PARP9: variants seen among roughly 807,000 people sequenced by gnomAD.
PARP9 encodes poly(ADP-ribose) polymerase family member 9.
Under a neutral mutation model 68.8 loss-of-function variants are expected in PARP9, and 48 were observed. That is an observed-to-expected ratio of 0.70 (90% CI 0.55 to 0.89). The LOEUF (loss-of-function observed/expected upper bound fraction) is 0.89. Ranked by LOEUF, PARP9 falls within the 40% of genes least tolerant of loss-of-function variation. The pLI is 0.00. For missense variants in PARP9, 806 were observed against 969.3 expected, an observed-to-expected ratio of 0.83 and a Z score of 2.24; for synonymous variants, 309 against 333.8, an observed-to-expected ratio of 0.93 and a Z score of 0.81.
intron 7 of PARP9, 21 bp from the exon 8 acceptor site, chr3:122,540,873 A>G (rs2078153056): frequency 4.4e-6 from 7 of 1,579,870 alleles, no homozygotes; most frequent in Non-Finnish European, 6.0e-6. Context: ...TATAATAAGC[A>G]ACCATGGAAG....
chr3:122,556,004 C>A lies in PARP9; in HGVS notation c.167G>T (p.Cys56Phe). The A allele has an allele frequency of 6.2e-7, 1 of 1,613,994 alleles. No homozygotes were observed. Among genetic ancestry groups the A allele is most frequent in the Non-Finnish European group, 8.5e-7 (1 of 1,179,988 alleles). ...LCEVLQNKFG[C>F]ISTLVSPVQE... ...AACTGGAGAGACCAGGGTAGAGATA[C>A]AGCCAAACTTATTCTGGAGGACTTC... The change falls in exon 4 of 11, where the codon TGT (cysteine) becomes TTT (phenylalanine). Residue 56 changes from cysteine (C) to phenylalanine (F), a missense_variant. By Grantham distance (205) the Cys-to-Phe change is radical. Transcript: ENST00000682323.
At chr3:122,561,659 C>T (rs142655823) in intron 1 of PARP9, among the ~76,000 whole-genome samples, 30 of 152,286 alleles carry the variant, frequency 2.0e-4, no homozygotes, top group African/African-American at 5.5e-4. Flanking sequence ...CTTTTCCCTG[C>T]GTTCACTTCC....
chr3:122,538,658 CCACACACACACACA>C (rs10577699), intron 8 of PARP9, among the ~76,000 whole-genome samples: 6 of 144,942 alleles, frequency 4.1e-5, no homozygotes, highest in African/African-American at 1.0e-4. Context: ...TAAAGCAATG[CCACACACACACACA>C]CACACACACA....
At chr3:122,536,452 C>T in intron 9 of PARP9, 110 bp from the exon 10 acceptor site, 1 of 1,471,146 alleles carries the variant, frequency 6.8e-7, no homozygotes, top group East Asian at 2.3e-5. Context: ...TACTACTTTG[C>T]ATGCAATTCG....
At chr3:122,562,806 T>C (rs892081275) in intron 1 of PARP9, among the ~76,000 whole-genome samples, 2 of 152,214 alleles carry the variant, frequency 1.3e-5, no homozygotes, top group African/African-American at 4.8e-5. Flanking sequence ...TTCCATTGTA[T>C]AGATATACTA....
At chr3:122,548,469 A>C (rs943037955) in intron 6 of PARP9, among the ~76,000 whole-genome samples, 2 of 152,206 alleles carry the variant, frequency 1.3e-5, no homozygotes, top group Non-Finnish European at 1.5e-5. Flanking sequence ...TATATCTTGA[A>C]AACCTATTTT....
At chr3:122,534,385 A>C in intron 10 of PARP9, 2 of 985,488 alleles carry the variant, frequency 2.0e-6, no homozygotes, top group Non-Finnish European at 2.4e-6. Flanking sequence ...CAGAGTGCAA[A>C]ATAAAGGTTT....
chr3:122,539,345 G>A (rs2077907974), intron 8 of PARP9, among the ~76,000 whole-genome samples: 1 of 152,100 alleles, frequency 6.6e-6, no homozygotes, highest in Admixed American at 6.5e-5. Flanking sequence ...ACTAATCTGT[G>A]TGCTCGTCAA....
intron 5 of PARP9, 21 bp from the exon 6 acceptor site, chr3:122,550,823 A>G: frequency 1.9e-6 from 3 of 1,594,158 alleles, no homozygotes; most frequent in Non-Finnish European, 1.7e-6. Flanking sequence ...ACACAAATTT[A>G]AGATCAGCAT....
intron 7 of PARP9, 136 bp downstream of exon 7, chr3:122,545,296 G>A (rs556897933): frequency 2.7e-5 from 22 of 806,550 alleles, no homozygotes; most frequent in Admixed American, 1.2e-4. Context: ...GAGTAGGCAG[G>A]TATCCAAGCA....
intron 4 of PARP9, among the ~76,000 whole-genome samples, chr3:122,553,465 T>C (rs1376161954): frequency 1.3e-5 from 2 of 152,234 alleles, no homozygotes; most frequent in African/African-American, 4.8e-5. Context: ...GAATTTGCAA[T>C]TTGGGGGCAC....
chr3:122,556,010 A>G lies in PARP9; in HGVS notation c.161T>C (p.Phe54Ser). 1 of 1,614,010 alleles carries G rather than the reference A, an allele frequency of 6.2e-7. No individual in the cohort carries two copies. The highest frequency in any genetic ancestry group is 8.5e-7 in the Non-Finnish European group (1 of 1,179,982). The part of the protein sequence containing the change: ...RQLCEVLQNK[F>S]GCISTLVSPV... ...AGAGACCAGGGTAGAGATACAGCCA[A>G]ACTTATTCTGGAGGACTTCACACAG... The change falls in exon 4 of 11, where the codon TTT becomes TCT. Residue 54 changes from phenylalanine (F) to serine (S), a missense_variant. Physicochemically the swap from Phe to Ser is radical, Grantham distance 155. This residue lies in a region of PARP9 where 126 missense variants were observed against 110.5 expected (regional missense o/e 1.14). Coordinates refer to ENST00000682323, the MANE Select transcript of PARP9 (RefSeq NM_001146105.2).
At chr3:122,564,438 C>G (rs377225826), upstream of PARP9, 1 of 1,610,546 alleles carries the variant, frequency 6.2e-7, no homozygotes, top group Non-Finnish European at 8.5e-7. Flanking sequence ...TGGCCTCCCA[C>G]CTGCGCCCGC....
At chr3:122,562,105 A>G (rs571923189) in intron 1 of PARP9, among the ~76,000 whole-genome samples, 2 of 152,222 alleles carry the variant, frequency 1.3e-5, no homozygotes, top group African/African-American at 4.8e-5. Flanking sequence ...GCCCACTGAC[A>G]CTGCCTCACT....
Position 122,560,749 on chromosome 3 carries a change from C to G in PARP9, c.-89-1040G>C, listed in dbSNP as rs150038723. On this transcript the variant is annotated intron_variant, in intron 1 of 10. Transcript: ENST00000682323. ...TACAACCATCTACAGCATCAGAGCA[C>G]TATTCTTACTCATCAAGGGAAAGCA... Among the ~76,000 whole-genome samples the G allele has an allele frequency of 5.4e-3, 827 of 152,282 alleles. 9 individuals carry two copies. Among genetic ancestry groups the G allele is most frequent in the African/African-American group, 0.019 (773 of 41,562 alleles).
intron 6 of PARP9, among the ~76,000 whole-genome samples, chr3:122,550,373 C>T (rs1409771307): frequency 6.6e-6 from 1 of 152,210 alleles, no homozygotes; most frequent in African/African-American, 2.4e-5. Flanking sequence ...GCCACCGTGT[C>T]TTGCCAAACA....
chr3:122,552,451 A>G lies in PARP9; in HGVS notation c.1074T>C (p.His358=), dbSNP rs1430848204. The G allele has an allele frequency of 1.1e-5, 18 of 1,613,774 alleles. No individual in the cohort carries two copies. Among genetic ancestry groups the G allele is most frequent in the Admixed American group, 1.7e-5 (1 of 60,022 alleles). ...GFNLFCKYIY[H]VLWHSEFPKP... is the part of the protein sequence containing the mutation. ...TAGGAAATTCTGAATGCCACAGTAC[A>G]TGGTATATATATTTACAGAACAAGT... Residue 358 remains histidine, a synonymous_variant, in exon 5 of 11, where the codon CAT becomes CAC. Transcript: ENST00000682323.
Position 122,545,445 on chromosome 3 carries a change from C to A in PARP9, c.1371G>T (p.Leu457Phe). 1.2e-6 allele frequency: 2 copies of A among 1,614,196 alleles called. No homozygotes were observed. The highest frequency in any genetic ancestry group is 1.1e-5 in the South Asian group (1 of 91,074). ...EMAKRSKMLS[L>F]NNYSVPQSTR... The stretch of plus-strand genomic sequence containing the variant: ...TTTCTTACTCACCACTGTAATTGTT[C>A]AAACTCAGCATCTTGGACCTCTTTG... The change falls in exon 7 of 11, where the codon TTG (leucine) becomes TTT (phenylalanine). Residue 457 changes from leucine (L) to phenylalanine (F), a missense_variant. By Grantham distance (22) the Leu-to-Phe change is conservative. Transcript: ENST00000682323.
In PARP9 at chr3:122,528,654, T is replaced by A; in HGVS notation, c.2170A>T (p.Ile724Phe). 6.2e-7 allele frequency: 1 copy of A among 1,614,106 alleles called. No homozygotes were observed. Among genetic ancestry groups the A allele is most frequent in the East Asian group, 2.2e-5 (1 of 44,878 alleles). Residue 724 changes from isoleucine to phenylalanine, a missense_variant, in exon 11 of 11, where the codon ATC becomes TTC. Transcript: ENST00000682323. ...AKKISAADKL[I>F]YVFEAEVLTG... ...AGTACTTCAGCCTCAAACACATAGA[T>A]CAGCTTATCTGCAGCAGAGATTTTC...
Sources: allele counts gnomAD v4.1 joint callset (sites outside exome capture counted in the v4.1 genomes callset), GRCh38; gene constraint gnomAD v4.1.1; regional missense constraint gnomAD v4.1.1; transcripts MANE v1.5; gene names NCBI Gene and HGNC (gene_info 2026-07-23, HGNC 2026-07-21).